CDKAL1: variants seen among roughly 807,000 people sequenced by gnomAD.
CDKAL1 encodes the protein CDKAL1 threonylcarbamoyladenosine tRNA methylthiotransferase, also known as threonylcarbamoyladenosine tRNA methylthiotransferase.
CDKAL1 carries 32 observed loss-of-function variants against 68.2 expected under a neutral mutation model. That is an observed-to-expected ratio of 0.47 (90% CI 0.35 to 0.63). The LOEUF (loss-of-function observed/expected upper bound fraction) is 0.63, where lower values mean the gene tolerates loss of function less well. CDKAL1 is among the 30% of genes least tolerant of loss of function. The pLI is 0.00. For synonymous variants in CDKAL1, 234 were observed against 244.3 expected, an observed-to-expected ratio of 0.96 and a Z score of 0.39; for missense variants, 606 against 696.7, an observed-to-expected ratio of 0.87 and a Z score of 1.47.
intron 5 of CDKAL1, among the ~76,000 whole-genome samples, chr6:20,690,117 C>T (rs759409026): frequency 3.3e-5 from 5 of 152,068 alleles, no homozygotes; most frequent in Non-Finnish European, 5.9e-5. Context: ...GTATTGGATT[C>T]TCTTTTACTT....
At chr6:20,641,523 A>G (rs532436685) in intron 4 of CDKAL1, among the ~76,000 whole-genome samples, 1 of 152,326 alleles carries the variant, frequency 6.6e-6, no homozygotes, top group South Asian at 2.1e-4. Context: ...TTTTTCATGT[A>G]TACTTCTATC....
At chr6:20,823,610 A>T (rs938662206) in intron 8 of CDKAL1, among the ~76,000 whole-genome samples, 2 of 152,208 alleles carry the variant, frequency 1.3e-5, no homozygotes, top group African/African-American at 4.8e-5. Flanking sequence ...AAAATAAAAC[A>T]TAAAAAATGT....
rs80290137 is a variant in CDKAL1 at position 20,632,970 on chromosome 6, A to G, written c.287-16323A>G. Among the ~76,000 whole-genome samples, 467 of 152,298 alleles carry G rather than the reference A, an allele frequency of 3.1e-3. 1 individual carries two copies. The highest frequency in any genetic ancestry group is 5.4e-3 in the Non-Finnish European group (365 of 68,024). ...TGGTTAGGGCAGACAGGTGGAAGAT[A>G]CATTTAGGCAGTGGGCACAGAAATG... On this transcript the variant is annotated intron_variant, in intron 4 of 15. Transcript: ENST00000274695.
At chr6:21,052,137 A>G (rs965575371) in intron 11 of CDKAL1, among the ~76,000 whole-genome samples, 2 of 152,200 alleles carry the variant, frequency 1.3e-5, no homozygotes, top group African/African-American at 4.8e-5. Context: ...AAATTTAGAG[A>G]TGCTGAAAAA....
intron 4 of CDKAL1, among the ~76,000 whole-genome samples, chr6:20,605,361 C>T (rs1191377828): frequency 1.3e-5 from 2 of 152,112 alleles, no homozygotes; most frequent in Admixed American, 1.3e-4. Flanking sequence ...TTTTAATATC[C>T]TCGAGTTCTA....
intron 11 of CDKAL1, among the ~76,000 whole-genome samples, chr6:21,047,326 A>G (rs1770294936): frequency 6.6e-6 from 1 of 152,168 alleles, no homozygotes; most frequent in Non-Finnish European, 1.5e-5. Context: ...TACTGCTCAC[A>G]ATGATAGTAT....
At chr6:21,091,036 G>A (rs1772982862) in intron 12 of CDKAL1, among the ~76,000 whole-genome samples, 1 of 152,074 alleles carries the variant, frequency 6.6e-6, no homozygotes, top group South Asian at 2.1e-4. Flanking sequence ...GGCTCAAGCA[G>A]TCTTCCTGCC....
intron 8 of CDKAL1, among the ~76,000 whole-genome samples, chr6:20,831,270 A>G (rs1777705878): frequency 6.6e-6 from 1 of 152,170 alleles, no homozygotes; most frequent in African/African-American, 2.4e-5. Flanking sequence ...TGGTGGTGGA[A>G]GCAATTTCAC....
intron 13 of CDKAL1, among the ~76,000 whole-genome samples, chr6:21,156,816 A>G (rs189696043): frequency 6.6e-6 from 1 of 152,280 alleles, no homozygotes; most frequent in East Asian, 1.9e-4. Context: ...ACTGGTGTGC[A>G]TGCTGCTGTG....
intron 11 of CDKAL1, among the ~76,000 whole-genome samples, chr6:21,008,668 TG>T: frequency 1.3e-5 from 2 of 152,338 alleles, no homozygotes; most frequent in Middle Eastern, 6.8e-3. Flanking sequence ...CTTTTTTGAC[TG>T]CAGCATCCCC....
intron 10 of CDKAL1, among the ~76,000 whole-genome samples, chr6:20,996,190 TC>T (rs1294185528): frequency 1.3e-5 from 2 of 152,236 alleles, no homozygotes; most frequent in Non-Finnish European, 2.9e-5. Flanking sequence ...GGTTTGATCA[TC>T]TATCCAGACG....
chr6:20,896,071 C>CT (rs1182410513), intron 9 of CDKAL1, among the ~76,000 whole-genome samples: 2 of 113,244 alleles, frequency 1.8e-5, no homozygotes, highest in Admixed American at 1.8e-4. Flanking sequence ...GAAATGGCTT[C>CT]TTTTTTTCTT....
At chr6:20,623,655 TA>T (rs1461215461) in intron 4 of CDKAL1, among the ~76,000 whole-genome samples, 1 of 152,064 alleles carries the variant, frequency 6.6e-6, no homozygotes, top group African/African-American at 2.4e-5. Flanking sequence ...AGTTATTTAA[TA>T]GGGGAATATT....
chr6:20,742,229 G>A, intron 6 of CDKAL1, among the ~76,000 whole-genome samples: 1 of 152,004 alleles, frequency 6.6e-6, no homozygotes, highest in East Asian at 1.9e-4. Flanking sequence ...CAGATGTATG[G>A]TTTGCAAACA....
At chr6:20,577,101 C>T (rs1189759843) in intron 4 of CDKAL1, among the ~76,000 whole-genome samples, 2 of 152,110 alleles carry the variant, frequency 1.3e-5, no homozygotes, top group African/African-American at 4.8e-5. Context: ...CATTTCCCTT[C>T]GTTGTTGGCG....
chr6:20,543,664 C>G (rs73386546), intron 2 of CDKAL1, among the ~76,000 whole-genome samples: 12,476 of 150,836 alleles, frequency 0.083, 705 homozygotes, highest in East Asian at 0.18. Context: ...AACTTTTTAC[C>G]TATCCCTAAG....
chr6:20,598,098 A>G (rs377699233), intron 4 of CDKAL1, among the ~76,000 whole-genome samples: 59 of 152,300 alleles, frequency 3.9e-4, no homozygotes, highest in Middle Eastern at 6.8e-3. Flanking sequence ...TGCGGACATG[A>G]TAGTGCTGTA....
chr6:20,888,362 T>C (rs1260205105), intron 9 of CDKAL1, among the ~76,000 whole-genome samples: 1 of 148,934 alleles, frequency 6.7e-6, no homozygotes, highest in Non-Finnish European at 1.5e-5. Flanking sequence ...CATCTTCTTT[T>C]TTTTTTTTAA....
chr6:20,949,686 A>G (rs1764426484), intron 9 of CDKAL1, among the ~76,000 whole-genome samples: 1 of 152,086 alleles, frequency 6.6e-6, no homozygotes, highest in South Asian at 2.1e-4. Context: ...CTCAGGGAAG[A>G]CAAACCAATA....
Sources: allele counts gnomAD v4.1 joint callset (sites outside exome capture counted in the v4.1 genomes callset), GRCh38; gene constraint gnomAD v4.1.1; transcripts MANE v1.5; gene names NCBI Gene and HGNC (gene_info 2026-07-23, HGNC 2026-07-21).